ANKRD36B: variants seen among roughly 807,000 people sequenced by gnomAD.
The protein encoded by ANKRD36B is ankyrin repeat domain 36B.
In ANKRD36B, 37 loss-of-function variants were observed where a neutral mutation model predicts 135.7. The observed-to-expected ratio is 0.27, with a 90% CI of 0.21 to 0.36. The LOEUF (loss-of-function observed/expected upper bound fraction) is 0.36. Among genes scored for constraint, ANKRD36B ranks in the 10% least tolerant of loss-of-function variants. ANKRD36B has a pLI of 1.00. For missense variants in ANKRD36B, 549 were observed against 1,037.1 expected (o/e 0.53, Z 6.46); for synonymous variants, 179 against 348.1 (o/e 0.51, Z 5.41).
At chr2:97,535,484 AAAAC>A (rs927766434) in intron 34 of ANKRD36B, among the ~76,000 whole-genome samples, 6 of 67,414 alleles carry the variant, frequency 8.9e-5, no homozygotes, top group Non-Finnish European at 2.1e-4. Flanking sequence ...ACAAAAAAAT[AAAAC>A]ACACACACAC....
intron 5 of ANKRD36B, 68 bp downstream of exon 5, chr2:97,578,838 G>A (rs2082392547): frequency 6.4e-7 from 1 of 1,563,926 alleles, no homozygotes; most frequent in Non-Finnish European, 8.7e-7. Flanking sequence ...TGATATATAA[G>A]ATGCAATTGT....
intron 6 of ANKRD36B, among the ~76,000 whole-genome samples, chr2:97,567,391 G>A (rs538720007): frequency 3.3e-5 from 5 of 151,120 alleles, no homozygotes; most frequent in Non-Finnish European, 7.4e-5. Flanking sequence ...GGAGGTGAGG[G>A]GTGGGGCTGG....
At chr2:97,580,370 T>A in intron 4 of ANKRD36B, 92 bp downstream of exon 4, 2 of 1,140,176 alleles carry the variant, frequency 1.8e-6, no homozygotes, top group Non-Finnish European at 2.4e-6. Flanking sequence ...TTAGTCTTCT[T>A]ACTAATGTAA....
intron 6 of ANKRD36B, among the ~76,000 whole-genome samples, chr2:97,568,858 C>T (rs7577439): frequency 0.56 from 85,667 of 151,958 alleles, 25,657 homozygotes; most frequent in Non-Finnish European, 0.67. Context: ...ACTCTCTTGG[C>T]ATTTTTCATG....
chr2:97,566,159 CAA>C (rs56089651), intron 6 of ANKRD36B, among the ~76,000 whole-genome samples: 83,421 of 147,996 alleles, frequency 0.56, 24,783 homozygotes, highest in Non-Finnish European at 0.67. Flanking sequence ...AACAAAAATA[CAA>C]AAAAAAAAAA....
At chr2:97,542,146 A>T (rs1466205193) in intron 26 of ANKRD36B, 39 bp from the exon 27 acceptor site, 1 of 639,558 alleles carries the variant, frequency 1.6e-6, no homozygotes, top group East Asian at 2.9e-5. Context: ...TCATATGTGC[A>T]TATGATAAAG....
At chr2:97,562,113 C>T (rs1434615783) in intron 6 of ANKRD36B, among the ~76,000 whole-genome samples, 4 of 151,880 alleles carry the variant, frequency 2.6e-5, no homozygotes, top group Admixed American at 6.6e-5. Context: ...ACTGTCTCTT[C>T]GTCCACTTTT....
intron 20 of ANKRD36B, among the ~76,000 whole-genome samples, 173 bp downstream of exon 20, chr2:97,549,246 A>G (rs2079797148): frequency 9.7e-6 from 1 of 102,898 alleles, no homozygotes; most frequent in African/African-American, 2.9e-5. Context: ...GTTCCAGACC[A>G]GCAGCATCAG....
chr2:97,547,491 A>G, intron 22 of ANKRD36B, 45 bp downstream of exon 22: 2 of 1,515,442 alleles, frequency 1.3e-6, no homozygotes, highest in Non-Finnish European at 1.8e-6. Context: ...AGAATTTCTT[A>G]TCTACCCGGA....
intron 6 of ANKRD36B, among the ~76,000 whole-genome samples, chr2:97,574,845 G>A (rs2082123091): frequency 6.6e-6 from 1 of 151,978 alleles, no homozygotes; most frequent in Non-Finnish European, 1.5e-5. Flanking sequence ...TTCTGTAAAA[G>A]TGTGGGCACA....
rs1576853213 is a variant in ANKRD36B at position 97,532,652 on chromosome 2, G to A, written c.2192-268C>T. On this transcript the variant is annotated intron_variant, in intron 34 of 43. Coordinates refer to ENST00000359901, the MANE Select transcript of ANKRD36B (RefSeq NM_001393939.1). ...GCAGGAGAATGGCGTCAGCCCGGGA[G>A]GTGGAGCTTGCAGTGAGCTGAAGAT... Among the ~76,000 whole-genome samples, 2 of 92,986 alleles carry A rather than the reference G, an allele frequency of 2.2e-5. 1 individual carries two copies. The highest frequency in any genetic ancestry group is 6.5e-5 in the African/African-American group (2 of 30,940). 61.0% of individuals were successfully genotyped at this position (92,986 alleles called of 152,430 possible).
chr2:97,529,659 T>C (rs1559123572), intron 35 of ANKRD36B, among the ~76,000 whole-genome samples: 2 of 95,664 alleles, frequency 2.1e-5, no homozygotes, highest in East Asian at 2.3e-4. Context: ...AAAACCCCAT[T>C]GTCTCAGCCC....
chr2:97,568,345 T>C (rs1457591409), intron 6 of ANKRD36B, among the ~76,000 whole-genome samples: 4 of 152,140 alleles, frequency 2.6e-5, no homozygotes, highest in Non-Finnish European at 5.9e-5. Context: ...AATCTAGGTC[T>C]ATGAAAACTG....
chr2:97,578,136 G>A (rs1426107121), intron 5 of ANKRD36B, among the ~76,000 whole-genome samples: 41 of 150,994 alleles, frequency 2.7e-4, no homozygotes, highest in African/African-American at 9.4e-4. Flanking sequence ...GTGTCAATTT[G>A]CTCCGTATGT....
intron 8 of ANKRD36B, among the ~76,000 whole-genome samples, chr2:97,560,439 T>G (rs2080917198): frequency 6.6e-6 from 1 of 151,896 alleles, no homozygotes; most frequent in Admixed American, 6.6e-5. Flanking sequence ...CTCCAATGTT[T>G]CTTCTTCCCA....
intron 6 of ANKRD36B, among the ~76,000 whole-genome samples, chr2:97,567,766 A>G (rs1407825239): frequency 6.6e-6 from 1 of 152,154 alleles, no homozygotes; most frequent in Admixed American, 6.6e-5. Flanking sequence ...TGTCAAGTGC[A>G]TACACATTAT....
Position 97,553,232 on chromosome 2 carries a change from A to C in ANKRD36B, c.1209T>G (p.Thr403=). 1.2e-6 allele frequency: 2 copies of C among 1,609,162 alleles called. No individual in the cohort carries two copies. The highest frequency in any genetic ancestry group is 2.2e-5 in the East Asian group (1 of 44,632). Residue 403 remains threonine (T), a synonymous_variant, in exon 16 of 44, where the codon ACT becomes ACG. Transcript: ENST00000359901. ...TATTAGAAACAGAACCTTCCTCGTC[A>C]GTTGTAGCCTGAATGGAATTTGAAA... ...SQKQQALKAT[T]DEEGSVSNIA...
At chr2:97,560,961 C>T (rs1460185993) in intron 6 of ANKRD36B, 101 bp from the exon 7 acceptor site, 1 of 972,568 alleles carries the variant, frequency 1.0e-6, no homozygotes, top group Admixed American at 2.8e-5. Context: ...TTTTGTACTC[C>T]TGCCTGTATT....
In ANKRD36B at chr2:97,534,381, A is replaced by G. The variant is rs531635711; in HGVS notation, c.2191+1919T>C. ...GATTAACTAATATCAACACTTCTATATAGCTCTTATAAATTATTCCCACCA... is the reference window on the plus strand; with the variant it reads ...GATTAACTAATATCAACACTTCTATGTAGCTCTTATAAATTATTCCCACCA... On this transcript the variant is annotated intron_variant, in intron 34 of 43. Transcript: ENST00000359901. Among the ~76,000 whole-genome samples, 6 of 96,592 alleles carry G rather than the reference A, an allele frequency of 6.2e-5. 2 individuals are homozygous for G. The South Asian group carries it at 7.1e-4, about 11-fold the overall frequency. The allele number at this position is 96,592 out of a possible 152,430, so 63.4% of individuals were successfully genotyped here.
Sources: gnomAD v4.1 joint callset for allele counts (sites outside exome capture counted in the v4.1 genomes callset) on GRCh38, gnomAD v4.1.1 for gene constraint, MANE v1.5 for transcripts, NCBI Gene and HGNC (gene_info 2026-07-23, HGNC 2026-07-21) for gene names.